The following FER variants were observed in gnomAD, a reference collection of about 807,000 sequenced individuals.
FER encodes the protein tyrosine-protein kinase Fer.
A neutral mutation model predicts 111.0 loss-of-function variants in FER; 63 were observed. That is an observed-to-expected ratio of 0.57 (90% CI 0.46 to 0.70). The LOEUF is 0.70. FER is among the 30% of genes least tolerant of loss of function. FER has a pLI of 0.00. For synonymous variants in FER, 327 were observed against 313.9 expected (o/e 1.04, Z -0.44); for missense variants, 914 against 954.0 (o/e 0.96, Z 0.55).
intron 17 of FER, among the ~76,000 whole-genome samples, chr5:109,125,655 G>A (rs1751618918): frequency 6.6e-6 from 1 of 152,192 alleles, no homozygotes; most frequent in Non-Finnish European, 1.5e-5. Context: ...CTGTAAATGT[G>A]AGCTGGTCTT....
rs1760198662 is a variant in FER at position 108,832,906 on chromosome 5, T to C, written c.344T>C (p.Ile115Thr). Residue 115 changes from isoleucine to threonine, a missense_variant, in exon 4 of 20, where the codon ATA becomes ACA. Physicochemically the swap from Ile to Thr is moderately conservative, Grantham distance 89 (BLOSUM62 -1). Transcript: ENST00000281092. ...AAGCAGCAGGTGAAGAAAAGTTACA[T>C]AGGTGTTCATCAGCAGATAGAGGCA... is the stretch of plus-strand genomic sequence containing the variant. ...KDKQQVKKSYIGVHQQIEAEM... is the reference protein window; with the variant it reads ...KDKQQVKKSYTGVHQQIEAEM... 3.1e-6 allele frequency: 5 copies of C among 1,603,702 alleles called. No homozygotes were observed. Among genetic ancestry groups the C allele is most frequent in the Non-Finnish European group, 4.3e-6 (5 of 1,174,610 alleles).
In FER at chr5:108,912,959, G is replaced by T. The variant is rs115026792; in HGVS notation, c.1236+15111G>T. ...AGCCTAGATGAGTACTCTTGGAGAT[G>T]AAGCCATCCAAGGAACTTTGAGGCC... is the stretch of plus-strand genomic sequence containing the variant. On this transcript the variant is annotated intron_variant, in intron 10 of 19. Coordinates refer to ENST00000281092, the MANE Select transcript of FER (RefSeq NM_005246.4). 1.1e-3 allele frequency among the ~76,000 whole-genome samples: 169 copies of T among 152,254 alleles called. 1 individual carries two copies. Among genetic ancestry groups the T allele is most frequent in the African/African-American group, 3.7e-3 (154 of 41,546 alleles).
At chr5:108,827,601 A>G (rs1432076712) in intron 3 of FER, among the ~76,000 whole-genome samples, 1 of 151,904 alleles carries the variant, frequency 6.6e-6, no homozygotes, top group Non-Finnish European at 1.5e-5. Flanking sequence ...TTGTCCTAGA[A>G]TTTGACTTTA....
At chr5:108,797,232 T>C (rs1756131597) in intron 2 of FER, among the ~76,000 whole-genome samples, 1 of 152,066 alleles carries the variant, frequency 6.6e-6, no homozygotes, top group Admixed American at 6.5e-5. Flanking sequence ...GTGGCTGAGC[T>C]GGTATCCAAG....
At chr5:109,049,629 A>G (rs973314964) in intron 16 of FER, among the ~76,000 whole-genome samples, 1 of 152,180 alleles carries the variant, frequency 6.6e-6, no homozygotes, top group African/African-American at 2.4e-5. Context: ...AGAACACATG[A>G]TCTGATGGAC....
At chr5:108,796,525 C>CA (rs796744880) in intron 2 of FER, among the ~76,000 whole-genome samples, 9 of 152,218 alleles carry the variant, frequency 5.9e-5, no homozygotes, top group African/African-American at 1.9e-4. Flanking sequence ...GGAGTAGAGT[C>CA]AAAACCTTAG....
At chr5:108,864,008 G>A (rs990381535) in intron 5 of FER, among the ~76,000 whole-genome samples, 17 of 152,124 alleles carry the variant, frequency 1.1e-4, no homozygotes, top group African/African-American at 3.9e-4. Context: ...AGCAGTGACA[G>A]GGGTTAGAGA....
chr5:109,095,420 C>G lies in FER; in HGVS notation c.1925-4976C>G, dbSNP rs564290482. 3.9e-5 allele frequency among the ~76,000 whole-genome samples: 6 copies of G among 152,160 alleles called. No individual in the cohort carries two copies. The South Asian group carries it at 1.0e-3, about 26-fold the overall frequency. ...TTTCAGTTTGTTTCTATGGTTTGTT[C>G]ATGCTACAAGCCATCATCACCCCAC... On this transcript the variant is annotated intron_variant, in intron 16 of 19. Transcript: ENST00000281092.
At chr5:109,115,280 T>C (rs1034917748) in intron 17 of FER, among the ~76,000 whole-genome samples, 3 of 152,082 alleles carry the variant, frequency 2.0e-5, no homozygotes, top group African/African-American at 4.8e-5. Context: ...GAAAAAGATA[T>C]AAAATTAAAG....
At chr5:108,933,402 A>G (rs7723264) in intron 10 of FER, among the ~76,000 whole-genome samples, 28,999 of 151,916 alleles carry the variant, frequency 0.19, 3,158 homozygotes, top group African/African-American at 0.3. Context: ...TTAGATGGTT[A>G]TAGATGTGTG....
At chr5:108,861,370 T>C (rs1222823548) in intron 5 of FER, among the ~76,000 whole-genome samples, 1 of 152,176 alleles carries the variant, frequency 6.6e-6, no homozygotes, top group East Asian at 1.9e-4. Context: ...TTCATAATAT[T>C]GTTGATGGCA....
Position 108,897,746 on chromosome 5 carries a change from A to G in FER, c.1134A>G (p.Ser378=), listed in dbSNP as rs775177874. Residue 378 remains serine, a synonymous_variant, in exon 10 of 20, where the codon TCA becomes TCG. Transcript: ENST00000281092. Reference sequence around the variant, plus strand: ...TGAGATGCACTGAAGCAAAGTTTTCAGCACAGAAGGAATTACTAGAGCAAA... The same window carrying G: ...TGAGATGCACTGAAGCAAAGTTTTCGGCACAGAAGGAATTACTAGAGCAAA... ...QQLRCTEAKF[S]AQKELLEQKV... is the part of the protein sequence containing the mutation. 1 of 1,613,706 alleles carries G rather than the reference A, an allele frequency of 6.2e-7. No individual in the cohort carries two copies. The highest frequency in any genetic ancestry group is 1.1e-5 in the South Asian group (1 of 91,024).
intron 13 of FER, among the ~76,000 whole-genome samples, chr5:108,998,385 C>G (rs1764285815): frequency 6.6e-6 from 1 of 152,046 alleles, no homozygotes; most frequent in Admixed American, 6.5e-5. Flanking sequence ...CATGACTTCC[C>G]TTGGCCAGGG....
At chr5:108,751,384 T>C (rs1750491631) in intron 1 of FER, among the ~76,000 whole-genome samples, 1 of 152,050 alleles carries the variant, frequency 6.6e-6, no homozygotes, top group Non-Finnish European at 1.5e-5. Flanking sequence ...ATCTTGTGAG[T>C]GAGGTAGGAA....
intron 2 of FER, among the ~76,000 whole-genome samples, chr5:108,794,464 C>A (rs987210090): frequency 6.6e-6 from 1 of 151,836 alleles, no homozygotes; most frequent in African/African-American, 2.4e-5. Flanking sequence ...GGTGATCCAC[C>A]CACCTTGGCC....
At chr5:109,076,321 A>G (rs1776335395) in intron 16 of FER, among the ~76,000 whole-genome samples, 2 of 152,164 alleles carry the variant, frequency 1.3e-5, no homozygotes, top group Admixed American at 1.3e-4. Context: ...CATTGAAGTA[A>G]ATTTTACCCT....
At chr5:109,104,769 G>T (rs1748677738) in intron 17 of FER, among the ~76,000 whole-genome samples, 2 of 151,790 alleles carry the variant, frequency 1.3e-5, no homozygotes, top group South Asian at 4.1e-4. Context: ...TTGAAACGGA[G>T]TCTCACTCTG....
At chr5:109,066,396 A>G (rs558082807) in intron 16 of FER, among the ~76,000 whole-genome samples, 1 of 152,264 alleles carries the variant, frequency 6.6e-6, no homozygotes, top group South Asian at 2.1e-4. Flanking sequence ...AAAATAAAAG[A>G]TTTTGTACAT....
chr5:109,110,609 G>T (rs1243718799), intron 17 of FER, among the ~76,000 whole-genome samples: 4 of 152,016 alleles, frequency 2.6e-5, no homozygotes, highest in African/African-American at 9.7e-5. Flanking sequence ...TCTGTTCCAG[G>T]TTTATGAAGA....
Sources: allele counts gnomAD v4.1 joint callset (sites outside exome capture counted in the v4.1 genomes callset), GRCh38; gene constraint gnomAD v4.1.1; transcripts MANE v1.5; gene names NCBI Gene and HGNC (gene_info 2026-07-23, HGNC 2026-07-21).